Variants in OR2T12 observed in about 807,000 individuals in gnomAD.
OR2T12 encodes the protein olfactory receptor 2T12.
For synonymous variants in OR2T12, 127 were observed against 160.5 expected, an observed-to-expected ratio of 0.79 and a Z score of 1.58; for missense variants, 335 against 404.3, an observed-to-expected ratio of 0.83 and a Z score of 1.47.
chr1:248,295,004 A>C lies in OR2T12; in HGVS notation c.575T>G (p.Val192Gly). Residue 192 changes from valine (V) to glycine (G), a missense_variant, in exon 3 of 3, where the codon GTC (valine) becomes GGC (glycine). Transcript: ENST00000641276. ...GCAGATGTACATGGCGTTTTCGAAG[A>C]CTGAAGTGTCAGCACAAGCCAAACG... The part of the protein sequence containing the change: ...LVRLACADTS[V>G]FENAMYICCV... The C allele has an allele frequency of 6.2e-7, 1 of 1,611,028 alleles. No homozygotes were observed. The highest frequency in any genetic ancestry group is 2.2e-5 in the East Asian group (1 of 44,846).
rs1558275926 is a variant in OR2T12, at chr1:248,293,930, TAAA to T, written c.*683_*685del. ...CCAAATAAAAAGAGACTGGAAAAAA[TAAA>T]AAAAGATTGTGACAATATAGCAGTT... is the stretch of plus-strand genomic sequence containing the variant. On this transcript the variant is annotated 3_prime_UTR_variant, in exon 3 of 3. Coordinates refer to ENST00000641276, the MANE Select transcript of OR2T12 (RefSeq NM_001004692.2). 4.0e-5 allele frequency: 6 copies of T among 151,898 alleles called. No individual in the cohort carries two copies. In the South Asian group the frequency reaches 1.2e-3, roughly 32 times the overall value. 9.4% of individuals were successfully genotyped at this position (151,898 alleles called of 1,614,324 possible).
rs1659679554 is a variant in OR2T12 at position 248,294,380 on chromosome 1, AT to A, written c.*235del. 2.3e-6 allele frequency: 1 copy of A among 436,732 alleles called. No homozygotes were observed. The highest frequency in any genetic ancestry group is 2.0e-5 in the African/African-American group (1 of 50,090). The allele number at this position is 436,732 out of a possible 1,614,324, so 27.1% of individuals were successfully genotyped here. ...TGCAAAAGAAAAAAAGAAAACTTAT[AT>A]CATGGGGTTGTTGTAGGATACAAAG... On this transcript the variant is annotated 3_prime_UTR_variant, in exon 3 of 3. Coordinates refer to ENST00000641276, the MANE Select transcript of OR2T12 (RefSeq NM_001004692.2).
At position 248,294,893 on chromosome 1, in the gene OR2T12, G is replaced by T. The variant is rs549916777; in HGVS notation, c.686C>A (p.Thr229Lys). Residue 229 changes from threonine to lysine, a missense_variant, in exon 3 of 3, where the codon ACA becomes AAA. By Grantham distance (78) the Thr-to-Lys change is moderately conservative (BLOSUM62 -1). Transcript: ENST00000641276. The stretch of plus-strand genomic sequence containing the variant: ...GGCAAAGGCCTTCTTGCGGGCTTCT[G>T]TAGAGCGCATGAGCAGAACAGCAGC... ...ILAAVLLMRS[T>K]EARKKAFATC... 6.2e-7 allele frequency: 1 copy of T among 1,612,046 alleles called. No homozygotes were observed. The highest frequency in any genetic ancestry group is 1.1e-5 in the South Asian group (1 of 90,990).
chr1:248,298,287 A>T (rs367813405), intron 2 of OR2T12, among the ~76,000 whole-genome samples: 1 of 152,182 alleles, frequency 6.6e-6, no homozygotes, highest in African/African-American at 2.4e-5. Flanking sequence ...ATCAATGTTC[A>T]TCAAGGGTAT....
Position 248,295,429 on chromosome 1 carries a change from G to A in OR2T12, c.150C>T (p.Asp50=), listed in dbSNP as rs749356747. 6.2e-7 allele frequency: 1 copy of A among 1,611,456 alleles called. No homozygotes were observed. The highest frequency in any genetic ancestry group is 1.1e-5 in the South Asian group (1 of 90,874). Residue 50 remains aspartate (D), a synonymous_variant, in exon 3 of 3, where the codon GAC becomes GAT. Transcript: ENST00000641276. ...AGTACATGGGCCTGTGGAGCCGGTG[G>A]TCCCAGTGAATCAGGAGAATCATGA... The part of the protein sequence containing the change: ...NALMILLIHW[D]HRLHRPMYFL...
At position 248,292,096 on chromosome 1, in the gene OR2T12, T is replaced by C. The variant is rs187908173; in HGVS notation, c.*2520A>G. ...ACAAATGGGATATAATTAAACTAAA[T>C]AGCTTCTGCACAGCAGAAGATGAAT... On this transcript the variant is annotated 3_prime_UTR_variant, in exon 3 of 3. Transcript: ENST00000641276. 33 of 152,028 alleles carry C rather than the reference T, an allele frequency of 2.2e-4. 1 individual carries two copies. In the East Asian group the frequency reaches 5.6e-3, roughly 26 times the overall value. 9.4% of individuals were successfully genotyped at this position (152,028 alleles called of 1,614,324 possible). A position where few individuals can be genotyped will look rare whatever the true frequency, so the allele number is the denominator to read the frequency against.
At chr1:248,298,268 G>T (rs915371897) in intron 2 of OR2T12, among the ~76,000 whole-genome samples, 13 of 152,102 alleles carry the variant, frequency 8.5e-5, no homozygotes, top group Admixed American at 5.2e-4. Flanking sequence ...TTTTATTGAG[G>T]ATTTTTGCAT....
chr1:248,295,132 C>T lies in OR2T12; in HGVS notation c.447G>A (p.Leu149=), dbSNP rs760221019. The T allele has an allele frequency of 4.4e-6, 7 of 1,605,788 alleles. No individual in the cohort carries two copies. In the African/African-American group the frequency reaches 9.7e-5, roughly 22 times the overall value. ...CLRMTMSSWL[L]GAADGLLQAV... Reference sequence around the variant, plus strand: ...CCTGCAGGAGGCCGTCAGCTGCACCCAGGAGCCAGGACGACATGGTCATCC... The same window carrying T: ...CCTGCAGGAGGCCGTCAGCTGCACCTAGGAGCCAGGACGACATGGTCATCC... The change falls in exon 3 of 3, where the codon CTG becomes CTA. Residue 149 remains leucine, a synonymous_variant. Transcript: ENST00000641276.
Position 248,295,301 on chromosome 1 carries a change from G to T in OR2T12, c.278C>A (p.Ala93Asp). 1 of 1,609,036 alleles carries T rather than the reference G, an allele frequency of 6.2e-7. No homozygotes were observed. ...GAAGAAGATCTGCACACCACAGCCAGCGCGGGAGATGGCCTTATTTCCGGT... is the reference window on the plus strand; with the variant it reads ...GAAGAAGATCTGCACACCACAGCCATCGCGGGAGATGGCCTTATTTCCGGT... ...YLTGNKAISR[A>D]GCGVQIFFLP... Residue 93 changes from alanine (A) to aspartate (D), a missense_variant, in exon 3 of 3, where the codon GCT becomes GAT. Ala to Asp is a moderately radical substitution (Grantham distance 126, BLOSUM62 -2). Transcript: ENST00000641276.
At chr1:248,296,208 T>A (rs1181085169) in intron 2 of OR2T12, among the ~76,000 whole-genome samples, 1 of 152,204 alleles carries the variant, frequency 6.6e-6, no homozygotes, top group African/African-American at 2.4e-5. Flanking sequence ...GGCTGCATAG[T>A]ATTCCATGGT....
Position 248,292,666 on chromosome 1 carries a change from C to A in OR2T12, c.*1950G>T, listed in dbSNP as rs1469735565. On this transcript the variant is annotated 3_prime_UTR_variant, in exon 3 of 3. Coordinates refer to ENST00000641276, the MANE Select transcript of OR2T12 (RefSeq NM_001004692.2). ...GTGATCAGATAACTAGTCTGAAATA[C>A]CACTTCTTTGAAACATGTCTATTTT... is the stretch of plus-strand genomic sequence containing the variant. The A allele has an allele frequency of 3.3e-5, 5 of 151,916 alleles. No individual in the cohort carries two copies. Among genetic ancestry groups the A allele is most frequent in the Admixed American group, 1.3e-4 (2 of 15,250 alleles). 9.4% of individuals were successfully genotyped at this position (151,916 alleles called of 1,614,324 possible). A position where few individuals can be genotyped will look rare whatever the true frequency, so the allele number is the denominator to read the frequency against.
Position 248,291,346 on chromosome 1 carries a change from C to A in OR2T12, c.*3270G>T, listed in dbSNP as rs955213721. On this transcript the variant is annotated 3_prime_UTR_variant, in exon 3 of 3. Transcript: ENST00000641276. ...AGTGAATTCCCATTCAGAATTGCTA[C>A]AAAGGGAATAAAACACCTAGGAATA... The A allele has an allele frequency of 6.6e-6, 1 of 151,986 alleles. No homozygotes were observed. The highest frequency in any genetic ancestry group is 6.6e-5 in the Admixed American group (1 of 15,250). 9.4% of individuals were successfully genotyped at this position (151,986 alleles called of 1,614,324 possible).
At position 248,292,009 on chromosome 1, in the gene OR2T12, T is replaced by A. The variant is rs981686899; in HGVS notation, c.*2607A>T. ...AACCTAGGCAGTACCATTCAGGACA[T>A]AGGCATGGGCAAAGACTTCATGACT... On this transcript the variant is annotated 3_prime_UTR_variant, in exon 3 of 3. Transcript: ENST00000641276. 1 of 152,100 alleles carries A rather than the reference T, an allele frequency of 6.6e-6. No homozygotes were observed. The highest frequency in any genetic ancestry group is 1.5e-5 in the Non-Finnish European group (1 of 68,012). The allele number at this position is 152,100 out of a possible 1,614,324, so 9.4% of individuals were successfully genotyped here. A position where few individuals can be genotyped will look rare whatever the true frequency, so the allele number is the denominator to read the frequency against.
chr1:248,298,183 G>C (rs1012093055), intron 2 of OR2T12, among the ~76,000 whole-genome samples: 1 of 152,120 alleles, frequency 6.6e-6, no homozygotes, highest in African/African-American at 2.4e-5. Flanking sequence ...AACCAGCCTT[G>C]CATCCCAGCG....
In OR2T12 at chr1:248,293,241, T is replaced by A. The variant is rs1371864231; in HGVS notation, c.*1375A>T. 6.6e-6 allele frequency: 1 copy of A among 152,112 alleles called. No individual in the cohort carries two copies. Among genetic ancestry groups the A allele is most frequent in the Non-Finnish European group, 1.5e-5 (1 of 67,984 alleles). The allele number at this position is 152,112 out of a possible 1,614,324, so 9.4% of individuals were successfully genotyped here. On this transcript the variant is annotated 3_prime_UTR_variant, in exon 3 of 3. Transcript: ENST00000641276. ...TGAAGATCTAGATGAAGCAGGAAAC[T>A]CCTTTCACTTGTTCTAGAACAGTTA...
Position 248,299,131 on chromosome 1 carries a change from C to T in OR2T12, c.-9+2242G>A, listed in dbSNP as rs953622254. 9.2e-5 allele frequency among the ~76,000 whole-genome samples: 14 copies of T among 152,066 alleles called. No homozygotes were observed. The South Asian group carries it at 1.4e-3, about 16-fold the overall frequency. ...GCTAGGAGGAAACTGCATCAACTAA[C>T]GAGCAAAATAACCAGCTAACATCAT... On this transcript the variant is annotated intron_variant, in intron 2 of 2. Coordinates refer to ENST00000641276, the MANE Select transcript of OR2T12 (RefSeq NM_001004692.2).
intron 2 of OR2T12, among the ~76,000 whole-genome samples, chr1:248,300,034 C>T (rs999823172): frequency 6.6e-6 from 1 of 152,068 alleles, no homozygotes; most frequent in Non-Finnish European, 1.5e-5. Flanking sequence ...ACATTCAAAG[C>T]AGTATGTAGA....
rs1202562264 is a variant in OR2T12 at position 248,296,750 on chromosome 1, A to G, written c.-8-1164T>C. Among the ~76,000 whole-genome samples the G allele has an allele frequency of 2.6e-5, 4 of 152,162 alleles. No individual in the cohort carries two copies. The East Asian group carries it at 7.7e-4, about 29-fold the overall frequency. ...TTTGAGTTCATTGTAGATTCTGGAT[A>G]TTAGCCCTTTGTCAGATGAGCAGGT... On this transcript the variant is annotated intron_variant, in intron 2 of 2. Transcript: ENST00000641276.
rs556656083 is a variant in OR2T12 at position 248,302,063 on chromosome 1, C to T, written c.-189-510G>A. 2.0e-4 allele frequency among the ~76,000 whole-genome samples: 30 copies of T among 151,684 alleles called. No homozygotes were observed. In the South Asian group the frequency reaches 6.0e-3, roughly 31 times the overall value. On this transcript the variant is annotated intron_variant, in intron 1 of 2. Coordinates refer to ENST00000641276, the MANE Select transcript of OR2T12 (RefSeq NM_001004692.2). The stretch of plus-strand genomic sequence containing the variant: ...ATAAAAAAAAAAAAAAGAAGTGAAG[C>T]CTTATGTGAAATAATGTCAGACAGC...
Sources: gnomAD v4.1 joint callset for allele counts (sites outside exome capture counted in the v4.1 genomes callset) on GRCh38, gnomAD v4.1.1 for gene constraint, MANE v1.5 for transcripts, NCBI Gene and HGNC (gene_info 2026-07-23, HGNC 2026-07-21) for gene names.